The following CFAP47 variants were observed in gnomAD, a reference collection of about 807,000 sequenced individuals.
The protein encoded by CFAP47 is cilia and flagella associated protein 47.
A neutral mutation model predicts 148.1 loss-of-function variants in CFAP47; 29 were observed. That is an observed-to-expected ratio of 0.20 (90% CI 0.15 to 0.27). The LOEUF is 0.27. CFAP47 is among the 10% of genes least tolerant of loss of function. The pLI is 1.00. For synonymous variants in CFAP47, 664 were observed against 577.3 expected, an observed-to-expected ratio of 1.15 and a Z score of -2.15; for missense variants, 1,872 against 1,697.5, an observed-to-expected ratio of 1.10 and a Z score of -1.81.
intron 29 of CFAP47, among the ~76,000 whole-genome samples, chrX:36,080,879 T>C (rs1018846113): frequency 8.9e-6 from 1 of 111,748 alleles, no homozygotes; most frequent in Non-Finnish European, 1.9e-5. Flanking sequence ...TGTATACATA[T>C]GTAACAAACC....
At chrX:36,241,005 G>C (rs1285945387) in intron 48 of CFAP47, among the ~76,000 whole-genome samples, 3 of 110,562 alleles carry the variant, frequency 2.7e-5, no homozygotes, top group African/African-American at 9.9e-5. Context: ...GGAAAACACC[G>C]AGAGTGGATT....
chrX:36,226,125 C>T (rs1387146772), intron 45 of CFAP47, among the ~76,000 whole-genome samples: 1 of 111,338 alleles, frequency 9.0e-6, no homozygotes, highest in Non-Finnish European at 1.9e-5. Context: ...TGGTACTGCT[C>T]CTGCAGGCTT....
At chrX:36,176,385 T>C in intron 39 of CFAP47, among the ~76,000 whole-genome samples, 1 of 112,436 alleles carries the variant, frequency 8.9e-6, no homozygotes, top group Non-Finnish European at 1.9e-5. Flanking sequence ...TGTCTAGTTT[T>C]GTAATTTGAA....
At chrX:36,083,846 A>C (rs763099793) in intron 29 of CFAP47, among the ~76,000 whole-genome samples, 4 of 111,231 alleles carry the variant, frequency 3.6e-5, no homozygotes, top group African/African-American at 6.5e-5. Flanking sequence ...ATTAAACAAT[A>C]ATGATTTAAT....
At chrX:36,318,736 A>G (rs782680084) in intron 56 of CFAP47, among the ~76,000 whole-genome samples, 5 of 112,387 alleles carry the variant, frequency 4.4e-5, no homozygotes, top group East Asian at 5.6e-4. Flanking sequence ...GTATTCATCA[A>G]TACAATCTAT....
At chrX:36,244,640 G>GAA (rs1555996711) in intron 48 of CFAP47, among the ~76,000 whole-genome samples, 1 of 111,367 alleles carries the variant, frequency 9.0e-6, no homozygotes, top group Non-Finnish European at 1.9e-5. Flanking sequence ...AAAGGAAATT[G>GAA]ATAAATTACT....
chrX:36,330,049 A>G (rs1487144595), intron 57 of CFAP47, among the ~76,000 whole-genome samples: 2 of 112,138 alleles, frequency 1.8e-5, no homozygotes, highest in Non-Finnish European at 3.8e-5. Context: ...ATCTTTTTGT[A>G]CAAGTATGTG....
chrX:35,948,293 A>C, intron 3 of CFAP47, 21 bp from the exon 4 acceptor site: 1 of 1,183,698 alleles, frequency 8.4e-7, no homozygotes, highest in East Asian at 3.0e-5. Context: ...GATGTAAATC[A>C]ACTGCTCTTA....
intron 56 of CFAP47, among the ~76,000 whole-genome samples, chrX:36,314,572 C>G (rs145661710): frequency 0.043 from 4,826 of 111,488 alleles, 254 homozygotes; most frequent in African/African-American, 0.15. Flanking sequence ...GTTTACAGTT[C>G]CATATAGCTT....
At chrX:36,075,185 A>G (rs1451953076) in intron 29 of CFAP47, among the ~76,000 whole-genome samples, 7 of 108,475 alleles carry the variant, frequency 6.5e-5, no homozygotes, top group Non-Finnish European at 1.3e-4. Flanking sequence ...TTTAATTTTA[A>G]TTTTATATGT....
At chrX:36,015,459 T>A (rs1341973337) in intron 22 of CFAP47, among the ~76,000 whole-genome samples, 1 of 111,332 alleles carries the variant, frequency 9.0e-6, no homozygotes, top group Admixed American at 9.6e-5. Context: ...CAATTATATA[T>A]GTATATTTTT....
intron 49 of CFAP47, among the ~76,000 whole-genome samples, chrX:36,265,546 G>A (rs1222899118): frequency 1.8e-5 from 2 of 111,702 alleles, no homozygotes; most frequent in East Asian, 5.6e-4. Context: ...TAGATTTGTT[G>A]TACATGGTTC....
chrX:36,049,164 G>GT (rs1316493750), intron 26 of CFAP47, among the ~76,000 whole-genome samples: 14 of 109,398 alleles, frequency 1.3e-4, no homozygotes, highest in Admixed American at 2.9e-4. Context: ...GAGAAGTGGG[G>GT]TTTTTTTTCT....
At chrX:36,103,361 A>G (rs1449928881) in intron 32 of CFAP47, among the ~76,000 whole-genome samples, 1 of 107,817 alleles carries the variant, frequency 9.3e-6, no homozygotes, top group East Asian at 2.9e-4. Flanking sequence ...TCTCAGACTT[A>G]TCTCAACTGA....
Position 36,223,146 on chromosome X carries a change from C to T in CFAP47, c.6818-5482C>T, listed in dbSNP as rs887808272. On this transcript the variant is annotated intron_variant, in intron 45 of 63. Transcript: ENST00000378653. ...TGATTGTAAGTTTCCTGAGTCCTCC[C>T]CAGAAGCCAAGCAGATACTTCCATG... Among the ~76,000 whole-genome samples, 3 of 111,291 alleles carry T rather than the reference C, an allele frequency of 2.7e-5. No individual in the cohort carries two copies. The East Asian group carries it at 8.5e-4, about 31-fold the overall frequency.
chrX:35,960,409 G>GAAAAAAAAAAAAAAAAAAAAATT, intron 8 of CFAP47, among the ~76,000 whole-genome samples: 1 of 69,699 alleles, frequency 1.4e-5, no homozygotes, highest in South Asian at 6.2e-4. Context: ...AAAAAAAAAG[G>GAAAAAAAAAAAAAAAAAAAAATT]ACAGCTGGAA....
At chrX:36,297,437 T>G (rs1254176667) in intron 51 of CFAP47, among the ~76,000 whole-genome samples, 2 of 112,669 alleles carry the variant, frequency 1.8e-5, no homozygotes, top group Non-Finnish European at 3.7e-5. Context: ...ATAATTGAAA[T>G]GCTCAACCTT....
At chrX:36,021,212 A>G (rs1314874869) in intron 22 of CFAP47, among the ~76,000 whole-genome samples, 2 of 111,620 alleles carry the variant, frequency 1.8e-5, no homozygotes, top group Non-Finnish European at 3.8e-5. Context: ...TGTAATTATT[A>G]TTTTTGATTG....
At chrX:36,006,341 A>G (rs1936981739) in intron 21 of CFAP47, among the ~76,000 whole-genome samples, 1 of 111,622 alleles carries the variant, frequency 9.0e-6, no homozygotes, top group Non-Finnish European at 1.9e-5. Context: ...GGGTATTTTA[A>G]AAAGAAGATT....
Sources: allele counts gnomAD v4.1 joint callset (sites outside exome capture counted in the v4.1 genomes callset), GRCh38; gene constraint gnomAD v4.1.1; transcripts MANE v1.5; gene names NCBI Gene and HGNC (gene_info 2026-07-23, HGNC 2026-07-21).